Variants in MTA3 observed in about 807,000 individuals in gnomAD.
The protein encoded by MTA3 is metastasis-associated protein MTA3.
Under a neutral mutation model 83.5 loss-of-function variants are expected in MTA3, and 34 were observed. That is an observed-to-expected ratio of 0.41 (90% confidence interval 0.31 to 0.54). MTA3 has a LOEUF of 0.54. Ranked by LOEUF, MTA3 falls within the 20% of genes least tolerant of loss-of-function variation. MTA3 has a pLI of 0.33. For synonymous variants in MTA3, 303 were observed against 252.7 expected (o/e 1.20, Z -1.89); for missense variants, 761 against 726.4 (o/e 1.05, Z -0.55).
intron 4 of MTA3, among the ~76,000 whole-genome samples, chr2:42,623,192 G>A (rs980500437): frequency 6.6e-6 from 1 of 152,152 alleles, no homozygotes; most frequent in Non-Finnish European, 1.5e-5. Context: ...TCCAGTAATG[G>A]CCAACCCTGA....
In MTA3 at chr2:42,626,622, T is replaced by A. The variant is rs116203273; in HGVS notation, c.318-13551T>A. Reference sequence around the variant, plus strand: ...AGGAGCTTCAGTTTTATGGGCTGACTTTGTCTTCAGGCAGTTGTGAAGTTG... The same window carrying A: ...AGGAGCTTCAGTTTTATGGGCTGACATTGTCTTCAGGCAGTTGTGAAGTTG... On this transcript the variant is annotated intron_variant, in intron 4 of 16. Coordinates refer to ENST00000405094, the MANE Select transcript of MTA3 (RefSeq NM_001330442.2). Among the ~76,000 whole-genome samples, 1,383 of 152,152 alleles carry A rather than the reference T, an allele frequency of 9.1e-3. 24 individuals carry two copies. The highest frequency in any genetic ancestry group is 0.032 in the African/African-American group (1,332 of 41,522).
At chr2:42,663,714 A>G (rs889686372) in intron 8 of MTA3, among the ~76,000 whole-genome samples, 5 of 152,182 alleles carry the variant, frequency 3.3e-5, no homozygotes, top group Non-Finnish European at 5.9e-5. Flanking sequence ...GCAGTGAGCT[A>G]TGATCATCCC....
rs867185385 is a variant in MTA3, at chr2:42,612,163, C to T, written c.317+2579C>T. Among the ~76,000 whole-genome samples the T allele has an allele frequency of 1.3e-4, 20 of 151,720 alleles. 1 individual carries two copies. Among genetic ancestry groups the T allele is most frequent in the African/African-American group, 4.3e-4 (18 of 41,394 alleles). ...TGTTCAAAGAGATGGAACATAAAAA[C>T]GTGACATTTTCTTAAAGTTGTGTGT... On this transcript the variant is annotated intron_variant, in intron 4 of 16. Coordinates refer to ENST00000405094, the MANE Select transcript of MTA3 (RefSeq NM_001330442.2).
At chr2:42,558,195 C>T (rs1677490699) in intron 2 of MTA3, among the ~76,000 whole-genome samples, 1 of 151,466 alleles carries the variant, frequency 6.6e-6, no homozygotes, top group Admixed American at 6.6e-5. Context: ...TCACTACCTG[C>T]ATAGTTCTCA....
intron 11 of MTA3, chr2:42,698,345 C>G (rs1402525421): frequency 6.6e-6 from 1 of 150,938 alleles, no homozygotes; most frequent in Non-Finnish European, 1.5e-5. Flanking sequence ...CCTTTGAATT[C>G]AGAAATCATT....
intron 3 of MTA3, among the ~76,000 whole-genome samples, chr2:42,606,337 C>T (rs2104047832): frequency 6.8e-6 from 1 of 148,032 alleles, no homozygotes; most frequent in African/African-American, 2.5e-5. Flanking sequence ...CTCCTCACCT[C>T]TCAGACGGGG....
chr2:42,514,528 C>G (rs1050610644), intron 2 of MTA3, among the ~76,000 whole-genome samples: 1 of 151,378 alleles, frequency 6.6e-6, no homozygotes, highest in African/African-American at 2.4e-5. Flanking sequence ...GGATTACAGG[C>G]GCCCACCACC....
intron 3 of MTA3, among the ~76,000 whole-genome samples, chr2:42,591,634 T>TTTTA (rs76941824): frequency 1.3e-5 from 2 of 150,092 alleles, no homozygotes; most frequent in Non-Finnish European, 3.0e-5. Context: ...GCTTTTTTTC[T>TTTTA]TTTTATTTTA....
chr2:42,563,809 TTC>T, upstream of MTA3, among the ~76,000 whole-genome samples: 1 of 148,202 alleles, frequency 6.7e-6, no homozygotes, highest in Non-Finnish European at 1.5e-5. Context: ...CCTTCCTTCC[TTC>T]CTTCCTTCCT....
chr2:42,505,682 A>G (rs1234088713), intron 2 of MTA3, among the ~76,000 whole-genome samples: 1 of 152,128 alleles, frequency 6.6e-6, no homozygotes, highest in Non-Finnish European at 1.5e-5. Flanking sequence ...AGAAGATCAT[A>G]TAATGTCTGA....
rs541593095 is a variant in MTA3 at position 42,634,407 on chromosome 2, C to T, written c.318-5766C>T. 4.6e-5 allele frequency among the ~76,000 whole-genome samples: 7 copies of T among 152,214 alleles called. No homozygotes were observed. The South Asian group carries it at 1.2e-3, about 27-fold the overall frequency. ...GCATGGCTGGGGAAGACTCAGGCAA[C>T]TTACAATCATGGTGGAAGGGGAAGC... On this transcript the variant is annotated intron_variant, in intron 4 of 16. Transcript: ENST00000405094.
Position 42,643,143 on chromosome 2 carries a change from G to T in MTA3, c.382-984G>T, listed in dbSNP as rs188683117. On this transcript the variant is annotated intron_variant, in intron 5 of 16. Transcript: ENST00000405094. ...ATTTCTCAGTGGTTGGAATAACTCT[G>T]TTTTTTTTCCCTTTCCCCTTATCAC... 2.0e-4 allele frequency among the ~76,000 whole-genome samples: 30 copies of T among 146,382 alleles called. No homozygotes were observed. The East Asian group carries it at 5.1e-3, about 25-fold the overall frequency.
chr2:42,699,810 C>T (rs573613685), intron 11 of MTA3, among the ~76,000 whole-genome samples: 29 of 152,202 alleles, frequency 1.9e-4, no homozygotes, highest in African/African-American at 7.0e-4. Flanking sequence ...GTCTTAAACT[C>T]AGTGTGGGAA....
At chr2:42,747,442 C>G (rs1033313006) in intron 16 of MTA3, among the ~76,000 whole-genome samples, 1 of 151,920 alleles carries the variant, frequency 6.6e-6, no homozygotes, top group Non-Finnish European at 1.5e-5. Flanking sequence ...GGTGGGGGTG[C>G]AGAATACTAG....
intron 3 of MTA3, among the ~76,000 whole-genome samples, chr2:42,603,051 C>G (rs1009032189): frequency 1.3e-5 from 2 of 151,000 alleles, no homozygotes; most frequent in African/African-American, 4.9e-5. Flanking sequence ...CAGGGTAGGA[C>G]TTTTATGGCT....
chr2:42,615,536 A>G (rs1261153940), intron 4 of MTA3, among the ~76,000 whole-genome samples: 4 of 151,016 alleles, frequency 2.6e-5, no homozygotes, highest in Non-Finnish European at 4.4e-5. Context: ...TTGTATTTTT[A>G]GTAGAGACAG....
At chr2:42,663,282 T>C (rs1573527253) in intron 8 of MTA3, among the ~76,000 whole-genome samples, 1 of 152,188 alleles carries the variant, frequency 6.6e-6, no homozygotes, top group Admixed American at 6.5e-5. Context: ...AGAGGGCCTG[T>C]GTGGGCTCTT....
In MTA3 at chr2:42,633,122, G is replaced by A. The variant is rs987555945; in HGVS notation, c.318-7051G>A. Among the ~76,000 whole-genome samples the A allele has an allele frequency of 4.6e-5, 7 of 152,070 alleles. No individual in the cohort carries two copies. In the South Asian group the frequency reaches 1.5e-3, roughly 32 times the overall value. ...TAGTAAAAATACAAAAATTAGCTGG[G>A]TATGGGGGTGCATGCCTGTAGTCCT... is the stretch of plus-strand genomic sequence containing the variant. On this transcript the variant is annotated intron_variant, in intron 4 of 16. Coordinates refer to ENST00000405094, the MANE Select transcript of MTA3 (RefSeq NM_001330442.2).
At chr2:42,548,872 ATATAAT>A (rs1179408074) in intron 2 of MTA3, among the ~76,000 whole-genome samples, 8 of 16,570 alleles carry the variant, frequency 4.8e-4, no homozygotes, top group Non-Finnish European at 5.6e-4. Context: ...ATATATATAT[ATATAAT>A]ATATATATAT....
Sources: gnomAD v4.1 joint callset for allele counts (sites outside exome capture counted in the v4.1 genomes callset) on GRCh38, gnomAD v4.1.1 for gene constraint, MANE v1.5 for transcripts, NCBI Gene and HGNC (gene_info 2026-07-23, HGNC 2026-07-21) for gene names.